ZNF737: variants seen among roughly 807,000 people sequenced by gnomAD.
ZNF737 encodes the protein zinc finger protein 102 (Y3).
A neutral mutation model predicts 11.7 loss-of-function variants in ZNF737; 13 were observed. That is an observed-to-expected ratio of 1.11 (90% CI 0.73 to 1.77). The LOEUF (loss-of-function observed/expected upper bound fraction) is 1.77, where lower values mean the gene tolerates loss of function less well. ZNF737 is among the 40% of genes most tolerant of loss of function. ZNF737 has a pLI of 0.00. For missense variants in ZNF737, 636 were observed against 638.0 expected (o/e 1.00, Z 0.03); for synonymous variants, 217 against 216.2 (o/e 1.00, Z -0.03).
At chr19:20,555,685 TAAG>T (rs1469798683) in intron 1 of ZNF737, among the ~76,000 whole-genome samples, 10 of 152,222 alleles carry the variant, frequency 6.6e-5, no homozygotes, top group Non-Finnish European at 1.5e-4. Flanking sequence ...GTAAGAATTT[TAAG>T]AAGTACTTAA....
rs146336404 is a variant in ZNF737 at position 20,547,562 on chromosome 19, A to C, written c.227-1586T>G. Among the ~76,000 whole-genome samples the C allele has an allele frequency of 8.0e-3, 1,211 of 152,274 alleles. 17 individuals are homozygous for C. The highest frequency in any genetic ancestry group is 0.025 in the African/African-American group (1,049 of 41,542). ...TAGAAATAATCTCTTCAAAAAATGAAGTTGAAAACTGAATATCAACACTGA... is the reference window on the plus strand; with the variant it reads ...TAGAAATAATCTCTTCAAAAAATGACGTTGAAAACTGAATATCAACACTGA... On this transcript the variant is annotated intron_variant, in intron 3 of 3. Coordinates refer to ENST00000427401, the MANE Select transcript of ZNF737 (RefSeq NM_001159293.2).
chr19:20,543,890 G>C lies in ZNF737; in HGVS notation c.*702C>G. ...CGCCTGTAATCCCAGCACTTTAGGA[G>C]GCCAAGGTGGGTGGATCACCTGAGG... On this transcript the variant is annotated 3_prime_UTR_variant, in exon 4 of 4. Transcript: ENST00000427401. 3.1e-6 allele frequency: 3 copies of C among 962,536 alleles called. No homozygotes were observed. Among genetic ancestry groups the C allele is most frequent in the Non-Finnish European group, 3.7e-6 (3 of 809,460 alleles). 59.6% of individuals were successfully genotyped at this position (962,536 alleles called of 1,614,324 possible).
chr19:20,557,440 T>C (rs1968929029), intron 1 of ZNF737, among the ~76,000 whole-genome samples: 1 of 149,530 alleles, frequency 6.7e-6, no homozygotes, highest in East Asian at 2.0e-4. Context: ...AATTCTGCTC[T>C]CTATGTCACT....
chr19:20,547,890 C>T (rs781964420), intron 3 of ZNF737, among the ~76,000 whole-genome samples: 7 of 152,086 alleles, frequency 4.6e-5, no homozygotes, highest in African/African-American at 7.3e-5. Flanking sequence ...GTGGCTCAAG[C>T]CTGTAATCCT....
chr19:20,538,541 G>T lies in ZNF737; in HGVS notation c.*6051C>A. On this transcript the variant is annotated 3_prime_UTR_variant, in exon 4 of 4. Transcript: ENST00000427401. ...GTCTCCTCTGTTCAGTGTACTCGTG[G>T]CAAAACTGCTTTCTGCAAAAAGTAA... 3.4e-6 allele frequency: 2 copies of T among 595,036 alleles called. No homozygotes were observed. The highest frequency in any genetic ancestry group is 4.2e-6 in the Non-Finnish European group (2 of 473,376). 36.9% of individuals were successfully genotyped at this position (595,036 alleles called of 1,614,324 possible).
downstream of ZNF737, among the ~76,000 whole-genome samples, chr19:20,532,560 C>G (rs1967856054): frequency 6.7e-6 from 1 of 149,778 alleles, no homozygotes; most frequent in African/African-American, 2.5e-5. Context: ...AATCAGTCAG[C>G]TACTGAGCTC....
rs898268285 is a variant in ZNF737 at position 20,540,048 on chromosome 19, A to G, written c.*4544T>C. 3.0e-5 allele frequency: 30 copies of G among 985,230 alleles called. No individual in the cohort carries two copies. In the African/African-American group the frequency reaches 5.2e-4, roughly 17 times the overall value. 61.0% of individuals were successfully genotyped at this position (985,230 alleles called of 1,614,324 possible). ...GAGGTGATTATTTCTTGAATGAATG[A>G]GATTCCCTTTTTTTTCCCTCTGCCA... On this transcript the variant is annotated 3_prime_UTR_variant, in exon 4 of 4. Coordinates refer to ENST00000427401, the MANE Select transcript of ZNF737 (RefSeq NM_001159293.2).
At chr19:20,547,380 C>CAAAAAAAAAAAAAAAAAAAAAAAA (rs1209880969) in intron 3 of ZNF737, among the ~76,000 whole-genome samples, 1 of 65,056 alleles carries the variant, frequency 1.5e-5, no homozygotes, top group African/African-American at 4.8e-5. Flanking sequence ...GACTCCGTCT[C>CAAAAAAAAAAAAAAAAAAAAAAAA]AAAAAAAAAA....
At chr19:20,535,991 C>T (rs1048117478), downstream of ZNF737, 1 of 806,066 alleles carries the variant, frequency 1.2e-6, no homozygotes, top group Non-Finnish European at 1.5e-6. Flanking sequence ...CTTTTATTTT[C>T]CACATTTTCC....
At chr19:20,532,628 AAATATCTTT>A (rs1750443023), downstream of ZNF737, among the ~76,000 whole-genome samples, 1 of 149,858 alleles carries the variant, frequency 6.7e-6, no homozygotes, top group South Asian at 2.2e-4. Flanking sequence ...ATAAATGTAA[AAATATCTTT>A]AATAACCTGG....
chr19:20,540,117 C>T lies in ZNF737; in HGVS notation c.*4475G>A, dbSNP rs376502895. ...CTTACTGGAAGCAACATGGAGGAGG[C>T]AGAAATGATGGCAAGATACAAACAT... On this transcript the variant is annotated 3_prime_UTR_variant, in exon 4 of 4. Transcript: ENST00000427401. 1.2e-5 allele frequency: 12 copies of T among 985,172 alleles called. No individual in the cohort carries two copies. The African/African-American group carries it at 1.7e-4, about 14-fold the overall frequency. The allele number at this position is 985,172 out of a possible 1,614,324, so 61.0% of individuals were successfully genotyped here. A position where few individuals can be genotyped will look rare whatever the true frequency, so the allele number is the denominator to read the frequency against.
At chr19:20,552,097 C>T (rs1968697715) in intron 3 of ZNF737, among the ~76,000 whole-genome samples, 2 of 151,792 alleles carry the variant, frequency 1.3e-5, no homozygotes, top group African/African-American at 4.8e-5. Context: ...AACTACTACT[C>T]TCACACATCA....
chr19:20,541,218 C>T lies in ZNF737; in HGVS notation c.*3374G>A, dbSNP rs1555755043. ...CTAAATAACATAATTTGTTTTGTTG[C>T]AGTAATTGCTTTTATTCTGAAAATA... On this transcript the variant is annotated 3_prime_UTR_variant, in exon 4 of 4. Transcript: ENST00000427401. 2 of 983,472 alleles carry T rather than the reference C, an allele frequency of 2.0e-6. No individual in the cohort carries two copies. The highest frequency in any genetic ancestry group is 1.1e-4 in the East Asian group (1 of 8,802). The allele number at this position is 983,472 out of a possible 1,614,324, so 60.9% of individuals were successfully genotyped here.
intron 1 of ZNF737, among the ~76,000 whole-genome samples, chr19:20,564,379 T>C (rs1468750321): frequency 6.6e-6 from 1 of 152,220 alleles, no homozygotes; most frequent in Non-Finnish European, 1.5e-5. Flanking sequence ...CTACCACATT[T>C]TCCTGTGGAA....
intron 1 of ZNF737, among the ~76,000 whole-genome samples, chr19:20,559,461 A>C (rs1969001707): frequency 7.1e-6 from 1 of 140,940 alleles, no homozygotes; most frequent in Non-Finnish European, 1.5e-5. Flanking sequence ...AATTAAAAGA[A>C]AAACCACATG....
intron 3 of ZNF737, among the ~76,000 whole-genome samples, chr19:20,548,981 C>A (rs199669514): frequency 0.068 from 6,133 of 90,516 alleles, 241 homozygotes; most frequent in African/African-American, 0.14. Context: ...AAAAAAAAAA[C>A]AATTATGTAT....
chr19:20,561,075 A>G (rs2144696875), intron 1 of ZNF737, among the ~76,000 whole-genome samples: 1 of 152,334 alleles, frequency 6.6e-6, no homozygotes, highest in South Asian at 2.1e-4. Context: ...AGAAAAAATT[A>G]AATCCCTGGG....
At chr19:20,551,268 A>T (rs1555758279) in intron 3 of ZNF737, 1 of 151,946 alleles carries the variant, frequency 6.6e-6, no homozygotes, top group East Asian at 1.9e-4. Context: ...TCTACCAAAA[A>T]AATACAAAAA....
In ZNF737 at chr19:20,552,368, T is replaced by C. The variant is rs541269520; in HGVS notation, c.226+107A>G. The C allele has an allele frequency of 1.7e-5, 13 of 746,140 alleles. No homozygotes were observed. In the South Asian group the frequency reaches 3.3e-4, roughly 19 times the overall value. The allele number at this position is 746,140 out of a possible 1,614,324, so 46.2% of individuals were successfully genotyped here. A position where few individuals can be genotyped will look rare whatever the true frequency, so the allele number is the denominator to read the frequency against. ...AAAAAACAGCTCCCAGGAACTATTT[T>C]CTTTGGAGCACAGCTTCCCAAATCA... On this transcript the variant is annotated intron_variant, in intron 3 of 3. Transcript: ENST00000427401.
Sources: gnomAD v4.1 joint callset for allele counts (sites outside exome capture counted in the v4.1 genomes callset) on GRCh38, gnomAD v4.1.1 for gene constraint, MANE v1.5 for transcripts, NCBI Gene and HGNC (gene_info 2026-07-23, HGNC 2026-07-21) for gene names.